Variants in PKIA observed in about 807,000 individuals in gnomAD.
PKIA encodes PKI-alpha.
PKIA carries 4 observed loss-of-function variants against 7.6 expected under a neutral mutation model. The observed-to-expected ratio is 0.52, with a 90% CI of 0.26 to 1.20. The LOEUF is 1.20. Among genes scored for constraint, PKIA ranks in the 50% most tolerant of loss-of-function variants. PKIA has a pLI of 0.13. For missense variants in PKIA, 73 were observed against 86.2 expected (o/e 0.85, Z 0.61); for synonymous variants, 21 against 30.7 (o/e 0.68, Z 1.04).
At chr8:78,533,758 G>A (rs946431820) in intron 1 of PKIA, 2 of 152,196 alleles carry the variant, frequency 1.3e-5, no homozygotes, top group East Asian at 1.9e-4. Flanking sequence ...TACTCTGGAG[G>A]CTGAGGTAGG....
In PKIA at chr8:78,530,522, CT is replaced by C. The variant is rs796791465; in HGVS notation, c.-157+14064del. On this transcript the variant is annotated intron_variant, in intron 1 of 3. Transcript: ENST00000396418. Reference sequence around the variant, plus strand: ...AAACAGGTTCTTAGATTTAATTAAACTTTTTTTTTTCCACCATATCTTTGTG... The same window carrying C: ...AAACAGGTTCTTAGATTTAATTAAACTTTTTTTTTCCACCATATCTTTGTG... 8.4e-3 allele frequency among the ~76,000 whole-genome samples: 1,264 copies of C among 150,434 alleles called. 12 individuals carry two copies. The highest frequency in any genetic ancestry group is 0.028 in the African/African-American group (1,156 of 41,118).
chr8:78,604,220 C>T lies in PKIA; in HGVS notation c.*2399C>T, dbSNP rs780401393. 8 of 151,906 alleles carry T rather than the reference C, an allele frequency of 5.3e-5. No individual in the cohort carries two copies. The highest frequency in any genetic ancestry group is 8.8e-5 in the Non-Finnish European group (6 of 67,920). 9.4% of individuals were successfully genotyped at this position (151,906 alleles called of 1,614,324 possible). The stretch of plus-strand genomic sequence containing the variant: ...GATGTCTATTAACCAACTATTCTTA[C>T]GCTAATGGCTTTGCAGCTCCTATTC... On this transcript the variant is annotated 3_prime_UTR_variant, in exon 4 of 4. Transcript: ENST00000396418.
chr8:78,586,149 T>C (rs1192514147), intron 2 of PKIA, among the ~76,000 whole-genome samples: 4 of 152,162 alleles, frequency 2.6e-5, no homozygotes, highest in African/African-American at 9.7e-5. Flanking sequence ...AAGTCACTTC[T>C]ATTTCATTAT....
chr8:78,565,635 G>A (rs906414726), intron 1 of PKIA, among the ~76,000 whole-genome samples: 16 of 151,758 alleles, frequency 1.1e-4, no homozygotes, highest in Admixed American at 1.1e-3. Flanking sequence ...GCCCTTTATT[G>A]AAGTTTCTCT....
At chr8:78,527,597 T>C (rs1806276308) in intron 1 of PKIA, among the ~76,000 whole-genome samples, 1 of 152,084 alleles carries the variant, frequency 6.6e-6, no homozygotes, top group South Asian at 2.1e-4. Context: ...TTTAAAGTGA[T>C]TTATTTAATA....
chr8:78,568,686 C>A (rs559922586), intron 1 of PKIA, among the ~76,000 whole-genome samples: 2 of 152,180 alleles, frequency 1.3e-5, no homozygotes, highest in South Asian at 2.1e-4. Flanking sequence ...CATTCCATAA[C>A]CACCAACAGA....
intron 1 of PKIA, among the ~76,000 whole-genome samples, chr8:78,568,810 C>T (rs1807479044): frequency 6.6e-6 from 1 of 152,106 alleles, no homozygotes; most frequent in South Asian, 2.1e-4. Flanking sequence ...CCAGTAAAAC[C>T]CTAATGAAAC....
chr8:78,552,969 T>C (rs560433800), intron 1 of PKIA, among the ~76,000 whole-genome samples: 17 of 151,910 alleles, frequency 1.1e-4, no homozygotes, highest in African/African-American at 3.9e-4. Context: ...ACTGCAAGGG[T>C]TTAATTTTGA....
At chr8:78,570,984 T>A (rs926839948) in intron 1 of PKIA, among the ~76,000 whole-genome samples, 3 of 152,126 alleles carry the variant, frequency 2.0e-5, no homozygotes, top group African/African-American at 7.2e-5. Context: ...ATGTAATAAT[T>A]TGTACTATCT....
chr8:78,571,478 A>G (rs1415770531), intron 1 of PKIA, among the ~76,000 whole-genome samples: 1 of 152,148 alleles, frequency 6.6e-6, no homozygotes, highest in Non-Finnish European at 1.5e-5. Flanking sequence ...AGGAGATAAC[A>G]TATCTGGCTG....
intron 2 of PKIA, among the ~76,000 whole-genome samples, chr8:78,591,463 G>C (rs1419924247): frequency 6.6e-6 from 1 of 152,132 alleles, no homozygotes; most frequent in Non-Finnish European, 1.5e-5. Context: ...ATTATATAAA[G>C]AATTTGTAGA....
At chr8:78,537,029 G>A (rs1806544645) in intron 1 of PKIA, among the ~76,000 whole-genome samples, 1 of 152,044 alleles carries the variant, frequency 6.6e-6, no homozygotes, top group East Asian at 1.9e-4. Context: ...TATGGCTGGA[G>A]GAACTTAGTA....
At chr8:78,588,902 A>G (rs1808024172) in intron 2 of PKIA, among the ~76,000 whole-genome samples, 1 of 151,598 alleles carries the variant, frequency 6.6e-6, no homozygotes, top group Admixed American at 6.6e-5. Flanking sequence ...CCCTGTCTCA[A>G]AAAGAAAGGA....
At chr8:78,539,895 GT>G (rs1806632304) in intron 1 of PKIA, among the ~76,000 whole-genome samples, 1 of 151,906 alleles carries the variant, frequency 6.6e-6, no homozygotes, top group Non-Finnish European at 1.5e-5. Context: ...TACACCTACA[GT>G]TTTATGTGAG....
At chr8:78,549,156 A>G (rs1466813298) in intron 1 of PKIA, among the ~76,000 whole-genome samples, 1 of 152,076 alleles carries the variant, frequency 6.6e-6, no homozygotes, top group South Asian at 2.1e-4. Context: ...GATGACTGGC[A>G]TATTTTTAAA....
chr8:78,546,290 C>T (rs1806820447), intron 1 of PKIA, among the ~76,000 whole-genome samples: 1 of 152,002 alleles, frequency 6.6e-6, no homozygotes, highest in South Asian at 2.1e-4. Context: ...GTATCTTGCA[C>T]AATTAGTCAG....
chr8:78,528,116 G>A (rs1806292768), intron 1 of PKIA, among the ~76,000 whole-genome samples: 1 of 152,020 alleles, frequency 6.6e-6, no homozygotes, highest in African/African-American at 2.4e-5. Context: ...AAGCTAGAAA[G>A]CTGAGAACTG....
chr8:78,578,970 A>G (rs1807742164), intron 2 of PKIA, among the ~76,000 whole-genome samples: 2 of 152,074 alleles, frequency 1.3e-5, no homozygotes, highest in Non-Finnish European at 2.9e-5. Context: ...TAGCAAATAC[A>G]ATGAAATAGT....
chr8:78,601,647 AT>A (rs1173384247), intron 3 of PKIA, 94 bp from the exon 4 acceptor site: 1 of 909,508 alleles, frequency 1.1e-6, no homozygotes, highest in Non-Finnish European at 1.8e-6. Context: ...CCTATTTAGT[AT>A]TTCTGAAGTT....
Sources: allele counts gnomAD v4.1 joint callset (sites outside exome capture counted in the v4.1 genomes callset), GRCh38; gene constraint gnomAD v4.1.1; transcripts MANE v1.5; gene names NCBI Gene and HGNC (gene_info 2026-07-23, HGNC 2026-07-21).